Variants in PSMA1 observed in about 807,000 individuals in gnomAD.
PSMA1 encodes the protein proteasome 20S subunit alpha 1.
Under a neutral mutation model 38.4 loss-of-function variants are expected in PSMA1, and 3 were observed. That is an observed-to-expected ratio of 0.08 (90% CI 0.04 to 0.20). The LOEUF (loss-of-function observed/expected upper bound fraction) is 0.20. PSMA1 is among the 10% of genes least tolerant of loss of function. PSMA1 has a pLI of 1.00. For missense variants in PSMA1, 227 were observed against 325.3 expected (o/e 0.70, Z 2.32); for synonymous variants, 101 against 107.1 (o/e 0.94, Z 0.35).
intron 2 of PSMA1, among the ~76,000 whole-genome samples, chr11:14,544,996 A>G (rs1309597619): frequency 6.6e-6 from 1 of 152,234 alleles, no homozygotes; most frequent in Non-Finnish European, 1.5e-5. Context: ...TTGGCATTAA[A>G]AAGAACTGAA....
chr11:14,520,168 C>A, intron 1 of PSMA1, 129 bp downstream of exon 1: 1 of 1,421,722 alleles, frequency 7.0e-7, no homozygotes, highest in South Asian at 1.2e-5. Context: ...TGCCGGAGCC[C>A]GGCCGTCTGC....
At chr11:14,642,602 A>C (rs1361645090) in intron 1 of PSMA1, among the ~76,000 whole-genome samples, 2 of 152,178 alleles carry the variant, frequency 1.3e-5, no homozygotes, top group Non-Finnish European at 2.9e-5. Context: ...GATTTACCAC[A>C]CAGTAAGGTT....
At chr11:14,520,464 C>G, upstream of PSMA1, 2 of 1,535,122 alleles carry the variant, frequency 1.3e-6, no homozygotes, top group African/African-American at 2.7e-5. Flanking sequence ...TGCAACACTT[C>G]CCCCTCCTTA....
At chr11:14,520,237 G>T in intron 1 of PSMA1, 60 bp downstream of exon 1, 3 of 1,610,776 alleles carry the variant, frequency 1.9e-6, no homozygotes, top group South Asian at 2.2e-5. Flanking sequence ...GAGGTGGCTC[G>T]TCATCCCCCA....
At chr11:14,591,320 G>A (rs1220313480) in intron 2 of PSMA1, among the ~76,000 whole-genome samples, 1 of 152,214 alleles carries the variant, frequency 6.6e-6, no homozygotes, top group Non-Finnish European at 1.5e-5. Context: ...CTCAGGACCT[G>A]CAGCCCGCCA....
At chr11:14,564,418 T>C (rs1852044912) in intron 2 of PSMA1, among the ~76,000 whole-genome samples, 1 of 152,252 alleles carries the variant, frequency 6.6e-6, no homozygotes, top group South Asian at 2.1e-4. Flanking sequence ...AATATAGATG[T>C]ACTCAATTTT....
intron 2 of PSMA1, 101 bp from the exon 3 acceptor site, chr11:14,518,082 GA>G: frequency 1.2e-6 from 1 of 805,702 alleles, no homozygotes; most frequent in Non-Finnish European, 1.8e-6. Context: ...AATCTCAACT[GA>G]TTTTTTTTTT....
At chr11:14,539,484 A>G (rs987745472) in intron 2 of PSMA1, among the ~76,000 whole-genome samples, 4 of 151,874 alleles carry the variant, frequency 2.6e-5, no homozygotes, top group African/African-American at 7.3e-5. Context: ...TCTTAAAGGA[A>G]AAAAAGGAAG....
intron 2 of PSMA1, among the ~76,000 whole-genome samples, chr11:14,546,855 G>A (rs1480396093): frequency 6.6e-6 from 1 of 152,184 alleles, no homozygotes; most frequent in Non-Finnish European, 1.5e-5. Flanking sequence ...TAGAGTGGGA[G>A]TAACCTAGCT....
intron 1 of PSMA1, among the ~76,000 whole-genome samples, chr11:14,630,958 T>C (rs1397180734): frequency 1.3e-5 from 2 of 152,156 alleles, no homozygotes; most frequent in Non-Finnish European, 1.5e-5. Context: ...TGCGTAGAGG[T>C]GTTTGTAGTA....
intron 1 of PSMA1, among the ~76,000 whole-genome samples, chr11:14,631,422 T>C (rs925859569): frequency 1.3e-5 from 2 of 152,132 alleles, no homozygotes; most frequent in African/African-American, 2.4e-5. Context: ...TTTTGTTATA[T>C]ACCCAGTAGT....
chr11:14,628,051 G>A (rs1340633343), intron 1 of PSMA1, among the ~76,000 whole-genome samples: 1 of 152,180 alleles, frequency 6.6e-6, no homozygotes, highest in Non-Finnish European at 1.5e-5. Context: ...CCTCCTGTCA[G>A]ATCAGCAGAG....
At chr11:14,535,467 G>C (rs1035255810) in intron 2 of PSMA1, among the ~76,000 whole-genome samples, 1 of 149,008 alleles carries the variant, frequency 6.7e-6, no homozygotes, top group Non-Finnish European at 1.5e-5. Context: ...TTTTGAGACG[G>C]AGTTTTGCTC....
intron 2 of PSMA1, among the ~76,000 whole-genome samples, chr11:14,600,548 G>A (rs1466779553): frequency 6.6e-6 from 1 of 152,226 alleles, no homozygotes; most frequent in Non-Finnish European, 1.5e-5. Context: ...GAGCCGCCGA[G>A]CCAGGCACGG....
At chr11:14,605,412 C>T (rs553281782) in intron 2 of PSMA1, among the ~76,000 whole-genome samples, 3 of 152,190 alleles carry the variant, frequency 2.0e-5, no homozygotes, top group South Asian at 4.1e-4. Context: ...GAGACAGAGT[C>T]TCACTCTGTC....
At chr11:14,572,578 G>A (rs1199283526) in intron 2 of PSMA1, among the ~76,000 whole-genome samples, 1 of 152,132 alleles carries the variant, frequency 6.6e-6, no homozygotes, top group African/African-American at 2.4e-5. Context: ...ATCTAAAATT[G>A]ACACCCTAAC....
intron 1 of PSMA1, among the ~76,000 whole-genome samples, chr11:14,614,987 G>C (rs774580409): frequency 1.1e-4 from 16 of 152,166 alleles, no homozygotes; most frequent in Non-Finnish European, 1.9e-4. Context: ...TGGCACTTAA[G>C]AGCCTTTATA....
At chr11:14,559,927 C>T (rs1406205575) in intron 2 of PSMA1, among the ~76,000 whole-genome samples, 1 of 151,960 alleles carries the variant, frequency 6.6e-6, no homozygotes. Flanking sequence ...AGAAGTTAAA[C>T]TGCAGTAGGG....
upstream of PSMA1, among the ~76,000 whole-genome samples, chr11:14,524,559 A>G (rs905308657): frequency 6.6e-6 from 1 of 152,070 alleles, no homozygotes; most frequent in African/African-American, 2.4e-5. Flanking sequence ...AACCTCTAAG[A>G]ACTAATAATG....
Sources: gnomAD v4.1 joint callset for allele counts (sites outside exome capture counted in the v4.1 genomes callset) on GRCh38, gnomAD v4.1.1 for gene constraint, MANE v1.5 for transcripts, NCBI Gene and HGNC (gene_info 2026-07-23, HGNC 2026-07-21) for gene names.